Variants in ENPP6 observed in about 807,000 individuals in gnomAD.
ENPP6 encodes the protein glycerophosphocholine cholinephosphodiesterase ENPP6.
ENPP6 carries 32 observed loss-of-function variants against 42.0 expected under a neutral mutation model. The ratio of observed to expected loss-of-function variants is 0.76; its 90% CI spans 0.58 to 1.02. The LOEUF is 1.02. Among genes scored for constraint, ENPP6 ranks in the 50% least tolerant of loss-of-function variants. The pLI, the probability that ENPP6 is intolerant of heterozygous loss-of-function variation, is 0.00. For missense variants in ENPP6, 552 were observed against 566.8 expected, an observed-to-expected ratio of 0.97 and a Z score of 0.27; for synonymous variants, 213 against 216.0, an observed-to-expected ratio of 0.99 and a Z score of 0.12.
intron 2 of ENPP6, among the ~76,000 whole-genome samples, chr4:184,125,496 G>A (rs1040456512): frequency 3.9e-5 from 6 of 152,270 alleles, no homozygotes; most frequent in Middle Eastern, 3.4e-3. Flanking sequence ...CAGAGGGAGC[G>A]CAGGAGGAAA....
chr4:184,110,882 C>A (rs1215429056), intron 6 of ENPP6, among the ~76,000 whole-genome samples: 2 of 152,194 alleles, frequency 1.3e-5, no homozygotes, highest in Non-Finnish European at 2.9e-5. Context: ...GGTCTCCCAG[C>A]ACTGCGTTTC....
At chr4:184,097,570 T>C (rs1735933992) in intron 6 of ENPP6, among the ~76,000 whole-genome samples, 1 of 152,206 alleles carries the variant, frequency 6.6e-6, no homozygotes, top group Non-Finnish European at 1.5e-5. Context: ...TGCTAAGCGC[T>C]GTGGTTAACA....
intron 1 of ENPP6, 81 bp from the exon 2 acceptor site, chr4:184,153,814 A>T (rs1737100232): frequency 6.7e-7 from 1 of 1,487,670 alleles, no homozygotes; most frequent in African/African-American, 1.4e-5. Flanking sequence ...CATATAAGCC[A>T]TTCGTGCTCG....
At chr4:184,103,980 G>A (rs558619536) in intron 6 of ENPP6, among the ~76,000 whole-genome samples, 137 of 152,128 alleles carry the variant, frequency 9.0e-4, no homozygotes, top group African/African-American at 3.0e-3. Flanking sequence ...CTGGAGAAAA[G>A]CACTTAGTGG....
rs1483401748 is a variant in ENPP6 at position 184,217,546 on chromosome 4, C to G, written c.241+33G>C. The G allele has an allele frequency of 1.9e-6, 3 of 1,609,788 alleles. No individual in the cohort carries two copies. In the South Asian group the frequency reaches 3.3e-5, roughly 18 times the overall value. ...TGTTCCCTGCTGGATGCCAGCCCTC[C>G]CCTCCCTGCCCAGAAGAGGACATGG... On this transcript the variant is annotated intron_variant, in intron 1 of 7. Coordinates refer to ENST00000296741, the MANE Select transcript of ENPP6 (RefSeq NM_153343.4).
At chr4:184,206,491 C>T (rs934881133) in intron 1 of ENPP6, among the ~76,000 whole-genome samples, 3 of 149,948 alleles carry the variant, frequency 2.0e-5, no homozygotes, top group Admixed American at 1.3e-4. Context: ...CTCCTGACCT[C>T]GTGATCCGCC....
chr4:184,116,348 C>T (rs953364561), intron 5 of ENPP6, among the ~76,000 whole-genome samples: 1 of 152,186 alleles, frequency 6.6e-6, no homozygotes, highest in African/African-American at 2.4e-5. Flanking sequence ...AAAACAGAGA[C>T]TTGATAGAGG....
intron 1 of ENPP6, among the ~76,000 whole-genome samples, chr4:184,196,742 G>T (rs1203691110): frequency 6.6e-6 from 1 of 152,226 alleles, no homozygotes; most frequent in Non-Finnish European, 1.5e-5. Context: ...GAGAAGGACT[G>T]AGAGTTCCCA....
intron 3 of ENPP6, among the ~76,000 whole-genome samples, chr4:184,121,673 T>G (rs1736418333): frequency 6.6e-6 from 1 of 152,242 alleles, no homozygotes; most frequent in South Asian, 2.1e-4. Flanking sequence ...CCTACATCTT[T>G]GCTAGACACA....
At chr4:184,137,271 A>G (rs1273895543) in intron 2 of ENPP6, among the ~76,000 whole-genome samples, 1 of 152,126 alleles carries the variant, frequency 6.6e-6, no homozygotes, top group African/African-American at 2.4e-5. Context: ...TAATTTTTGT[A>G]TTTTTAATAG....
At chr4:184,129,378 CTTCTA>C (rs1736558522) in intron 2 of ENPP6, among the ~76,000 whole-genome samples, 1 of 151,708 alleles carries the variant, frequency 6.6e-6, no homozygotes, top group South Asian at 2.1e-4. Flanking sequence ...ATACTTTCTT[CTTCTA>C]TTCTGTTCTG....
At chr4:184,149,950 T>C (rs4862320) in intron 2 of ENPP6, among the ~76,000 whole-genome samples, 148,893 of 152,162 alleles carry the variant, frequency 0.98, 72,947 homozygotes, top group East Asian at 1. Flanking sequence ...GTTGGAGTCT[T>C]TTCCTCACCG....
chr4:184,115,917 A>G (rs1445463027), intron 5 of ENPP6, among the ~76,000 whole-genome samples: 1 of 152,160 alleles, frequency 6.6e-6, no homozygotes, highest in Non-Finnish European at 1.5e-5. Context: ...ATTTGGGCCA[A>G]TAACAAAACA....
intron 1 of ENPP6, among the ~76,000 whole-genome samples, chr4:184,173,710 A>G (rs990512619): frequency 6.6e-6 from 1 of 152,238 alleles, no homozygotes; most frequent in Non-Finnish European, 1.5e-5. Flanking sequence ...AAAGGGTCTT[A>G]GAGATATTCT....
intron 5 of ENPP6, 73 bp from the exon 6 acceptor site, chr4:184,112,882 AGAG>A: frequency 6.9e-7 from 1 of 1,446,788 alleles, no homozygotes; most frequent in Admixed American, 2.3e-5. Context: ...GAGCTAGGGG[AGAG>A]GAGAACTTAC....
chr4:184,217,407 C>T (rs1340659203), intron 1 of ENPP6, among the ~76,000 whole-genome samples, 172 bp downstream of exon 1: 3 of 152,154 alleles, frequency 2.0e-5, no homozygotes, highest in African/African-American at 4.8e-5. Context: ...AATACCGCCA[C>T]GAAAACAAAA....
At chr4:184,107,961 G>T (rs1736131575) in intron 6 of ENPP6, among the ~76,000 whole-genome samples, 1 of 151,564 alleles carries the variant, frequency 6.6e-6, no homozygotes, top group African/African-American at 2.4e-5. Context: ...ATCTTTTTCA[G>T]TGACGCCTCT....
At chr4:184,199,867 G>T (rs1186117865) in intron 1 of ENPP6, among the ~76,000 whole-genome samples, 1 of 152,178 alleles carries the variant, frequency 6.6e-6, no homozygotes, top group Non-Finnish European at 1.5e-5. Context: ...CCACTCAGTG[G>T]GCCCTAAGAA....
At chr4:184,192,604 C>A (rs1271150339) in intron 1 of ENPP6, among the ~76,000 whole-genome samples, 1 of 152,110 alleles carries the variant, frequency 6.6e-6, no homozygotes, top group East Asian at 1.9e-4. Flanking sequence ...AATAGGACTT[C>A]ATCAACAATA....
Sources: gnomAD v4.1 joint callset for allele counts (sites outside exome capture counted in the v4.1 genomes callset) on GRCh38, gnomAD v4.1.1 for gene constraint, MANE v1.5 for transcripts, NCBI Gene and HGNC (gene_info 2026-07-23, HGNC 2026-07-21) for gene names.